The following LARGE1 variants were observed in gnomAD, a reference collection of about 807,000 sequenced individuals.
The protein encoded by LARGE1 is xylosyl- and glucuronyltransferase LARGE1.
A neutral mutation model predicts 87.6 loss-of-function variants in LARGE1; 43 were observed. The observed-to-expected ratio is 0.49, with a 90% confidence interval of 0.38 to 0.63. The LOEUF is 0.63. LARGE1 is among the 30% of genes least tolerant of loss of function. The pLI, the probability that LARGE1 is intolerant of heterozygous loss-of-function variation, is 0.00. For synonymous variants in LARGE1, 434 were observed against 394.6 expected (o/e 1.10, Z -1.18); for missense variants, 802 against 1,000.2 (o/e 0.80, Z 2.67).
intron 13 of LARGE1, among the ~76,000 whole-genome samples, chr22:33,281,004 G>A (rs969238533): frequency 2.6e-5 from 4 of 152,164 alleles, no homozygotes; most frequent in Non-Finnish European, 4.4e-5. Context: ...GTAGGGGTGT[G>A]GATGTTTTCT....
intron 6 of LARGE1, among the ~76,000 whole-genome samples, chr22:33,451,119 TC>T (rs1341676474): frequency 6.6e-6 from 1 of 152,162 alleles, no homozygotes; most frequent in East Asian, 1.9e-4. Flanking sequence ...AGTGGTCTTC[TC>T]CTGGCATGGC....
At chr22:33,343,720 A>C (rs1939422700) in intron 9 of LARGE1, among the ~76,000 whole-genome samples, 1 of 152,192 alleles carries the variant, frequency 6.6e-6, no homozygotes, top group Non-Finnish European at 1.5e-5. Context: ...TTCATTTTAC[A>C]GAGGATGAGT....
chr22:33,823,227 A>T (rs2146271716), intron 1 of LARGE1, among the ~76,000 whole-genome samples: 1 of 152,342 alleles, frequency 6.6e-6, no homozygotes, highest in East Asian at 1.9e-4. Flanking sequence ...CACAGACCAT[A>T]GCACATACCT....
intron 1 of LARGE1, among the ~76,000 whole-genome samples, chr22:33,847,174 G>A (rs780862538): frequency 5.3e-5 from 8 of 152,112 alleles, no homozygotes; most frequent in Admixed American, 1.3e-4. Flanking sequence ...GCCAGCCGAC[G>A]CTTAGGAAAA....
intron 7 of LARGE1, among the ~76,000 whole-genome samples, chr22:33,406,754 CTA>C (rs1041495278): frequency 3.9e-5 from 6 of 152,160 alleles, no homozygotes; most frequent in African/African-American, 1.4e-4. Flanking sequence ...TGTTTGACAA[CTA>C]TATCAATTAT....
At chr22:33,362,370 C>T (rs2064417933) in intron 9 of LARGE1, among the ~76,000 whole-genome samples, 2 of 149,738 alleles carry the variant, frequency 1.3e-5, no homozygotes, top group South Asian at 4.4e-4. Context: ...TACTCAAGTC[C>T]TTCAGTTGGT....
intron 7 of LARGE1, among the ~76,000 whole-genome samples, chr22:33,417,877 G>A (rs2066557002): frequency 6.6e-6 from 1 of 152,150 alleles, no homozygotes; most frequent in African/African-American, 2.4e-5. Flanking sequence ...GGCAGGTTGA[G>A]TCCTTCTCCT....
chr22:33,670,850 T>C (rs560945680), intron 2 of LARGE1, among the ~76,000 whole-genome samples: 1 of 152,284 alleles, frequency 6.6e-6, no homozygotes, highest in Non-Finnish European at 1.5e-5. Context: ...TCCCTTCAAT[T>C]TATATGTATC....
chr22:33,067,922 G>A, the LARGE1 span, among the ~76,000 whole-genome samples: 1 of 152,002 alleles, frequency 6.6e-6, no homozygotes, highest in African/African-American at 2.4e-5. Context: ...AGAGGTTGCA[G>A]TGAGCTGAGA....
chr22:33,460,768 C>T (rs929941491), intron 6 of LARGE1, among the ~76,000 whole-genome samples: 70 of 152,254 alleles, frequency 4.6e-4, no homozygotes, highest in African/African-American at 1.6e-3. Flanking sequence ...AAGACAGGAT[C>T]CCCCAGAAGT....
At chr22:33,118,935 C>G in the LARGE1 span, among the ~76,000 whole-genome samples, 1 of 152,192 alleles carries the variant, frequency 6.6e-6, no homozygotes, top group Non-Finnish European at 1.5e-5. Flanking sequence ...TGAATCTCGT[C>G]TAAGTTGACA....
upstream of LARGE1, among the ~76,000 whole-genome samples, chr22:33,920,616 C>T (rs1301285774): frequency 6.9e-6 from 1 of 144,610 alleles, no homozygotes; most frequent in Non-Finnish European, 1.5e-5. Context: ...GCCTGGGGCG[C>T]GGGGCCGGGG....
At chr22:33,746,662 A>T (rs936672020) in intron 2 of LARGE1, among the ~76,000 whole-genome samples, 4 of 152,248 alleles carry the variant, frequency 2.6e-5, no homozygotes, top group African/African-American at 9.6e-5. Context: ...AATTCAACAT[A>T]ATAAATGATT....
chr22:33,461,102 T>C (rs1366374023), intron 6 of LARGE1, among the ~76,000 whole-genome samples: 4 of 152,154 alleles, frequency 2.6e-5, no homozygotes, highest in African/African-American at 4.8e-5. Flanking sequence ...CCCAGAAGAC[T>C]GATAAAATCA....
At chr22:33,641,028 G>C (rs994956043) in intron 3 of LARGE1, among the ~76,000 whole-genome samples, 19 of 152,188 alleles carry the variant, frequency 1.2e-4, no homozygotes, top group South Asian at 2.1e-4. Flanking sequence ...TGGCTCTGAA[G>C]AGAGCAGCCC....
chr22:33,857,132 G>C (rs1378979170), intron 1 of LARGE1, among the ~76,000 whole-genome samples: 4 of 152,174 alleles, frequency 2.6e-5, no homozygotes, highest in Admixed American at 2.0e-4. Context: ...GGCCAGACTG[G>C]TCTCGAACTC....
intron 7 of LARGE1, among the ~76,000 whole-genome samples, chr22:33,427,564 A>G (rs1019576373): frequency 1.8e-4 from 27 of 152,342 alleles, no homozygotes; most frequent in Non-Finnish European, 2.4e-4. Flanking sequence ...CATGCACGCT[A>G]TGGTGCCTGG....
intron 4 of LARGE1, among the ~76,000 whole-genome samples, chr22:33,624,808 G>A (rs2079871250): frequency 6.6e-6 from 1 of 152,184 alleles, no homozygotes. Context: ...AGTAGAAACT[G>A]GGGAAGCAGG....
chr22:33,390,835 A>T (rs192147601), intron 7 of LARGE1, among the ~76,000 whole-genome samples: 3 of 152,158 alleles, frequency 2.0e-5, no homozygotes, highest in Non-Finnish European at 4.4e-5. Flanking sequence ...GTAGGACCAC[A>T]GGTGTGCGCC....
Sources: allele counts gnomAD v4.1 joint callset (sites outside exome capture counted in the v4.1 genomes callset), GRCh38; gene constraint gnomAD v4.1.1; transcripts MANE v1.5; gene names NCBI Gene and HGNC (gene_info 2026-07-23, HGNC 2026-07-21).